Variants in STXBP5L observed in about 807,000 individuals in gnomAD.
STXBP5L encodes syntaxin-binding protein 5-like.
Under a neutral mutation model 144.5 loss-of-function variants are expected in STXBP5L, and 65 were observed. The observed-to-expected ratio is 0.45, with a 90% CI of 0.37 to 0.55. The LOEUF is 0.55. Among genes scored for constraint, STXBP5L ranks in the 20% least tolerant of loss-of-function variants. STXBP5L has a pLI of 0.00. For synonymous variants in STXBP5L, 505 were observed against 469.6 expected, an observed-to-expected ratio of 1.08 and a Z score of -0.97; for missense variants, 1,298 against 1,405.5, an observed-to-expected ratio of 0.92 and a Z score of 1.22.
At chr3:121,102,386 A>G (rs1451846388) in intron 5 of STXBP5L, among the ~76,000 whole-genome samples, 1 of 152,158 alleles carries the variant, frequency 6.6e-6, no homozygotes, top group Non-Finnish European at 1.5e-5. Context: ...GGAACAGAAT[A>G]GAGAACCCAG....
chr3:121,315,542 G>C (rs2108524519), intron 19 of STXBP5L, among the ~76,000 whole-genome samples: 1 of 151,190 alleles, frequency 6.6e-6, no homozygotes, highest in East Asian at 1.9e-4. Flanking sequence ...TAAATGACAA[G>C]TTAATGGGTG....
intron 20 of STXBP5L, among the ~76,000 whole-genome samples, chr3:121,375,039 G>A (rs962775131): frequency 1.3e-5 from 2 of 150,504 alleles, no homozygotes; most frequent in Admixed American, 6.6e-5. Flanking sequence ...GGTGGGAGGG[G>A]GAGTGAAAGA....
intron 19 of STXBP5L, among the ~76,000 whole-genome samples, chr3:121,313,060 C>G (rs909050114): frequency 6.6e-6 from 1 of 150,800 alleles, no homozygotes; most frequent in African/African-American, 2.4e-5. Flanking sequence ...CCCCTCACCT[C>G]CCGGATGGGG....
At chr3:121,276,589 C>T (rs1199920547) in intron 18 of STXBP5L, among the ~76,000 whole-genome samples, 1 of 151,772 alleles carries the variant, frequency 6.6e-6, no homozygotes, top group Non-Finnish European at 1.5e-5. Flanking sequence ...TTCTTTTCCA[C>T]TGCTTGAAAG....
chr3:121,169,484 G>A (rs1265329768), intron 9 of STXBP5L, among the ~76,000 whole-genome samples: 1 of 152,150 alleles, frequency 6.6e-6, no homozygotes, highest in Non-Finnish European at 1.5e-5. Context: ...AAAATAAAGG[G>A]ATGGAGGAAT....
chr3:121,305,638 G>T (rs1459518891), intron 19 of STXBP5L, among the ~76,000 whole-genome samples: 1 of 151,988 alleles, frequency 6.6e-6, no homozygotes, highest in East Asian at 1.9e-4. Context: ...AAGAATAGAA[G>T]AATATTTCCT....
intron 5 of STXBP5L, among the ~76,000 whole-genome samples, chr3:121,047,311 G>A (rs535656212): frequency 6.6e-6 from 1 of 152,076 alleles, no homozygotes; most frequent in South Asian, 2.1e-4. Context: ...GTACAGATAA[G>A]AAGATGGTAT....
At chr3:121,226,178 T>C (rs1164202513) in intron 11 of STXBP5L, among the ~76,000 whole-genome samples, 1 of 152,190 alleles carries the variant, frequency 6.6e-6, no homozygotes, top group African/African-American at 2.4e-5. Flanking sequence ...ATGCTTGCCA[T>C]CTGTATAAAT....
intron 20 of STXBP5L, among the ~76,000 whole-genome samples, chr3:121,355,465 A>T (rs1168817446): frequency 2.0e-5 from 3 of 151,910 alleles, no homozygotes; most frequent in Non-Finnish European, 4.4e-5. Context: ...CCTTTCTTCC[A>T]CTTGATCGAA....
At chr3:121,190,391 G>A (rs919193458) in intron 9 of STXBP5L, among the ~76,000 whole-genome samples, 1 of 152,208 alleles carries the variant, frequency 6.6e-6, no homozygotes, top group Non-Finnish European at 1.5e-5. Flanking sequence ...TAGATTAACA[G>A]CATCCCAAGG....
Position 121,279,915 on chromosome 3 carries a change from G to C in STXBP5L, c.2069G>C (p.Arg690Pro). Reference sequence around the variant, plus strand: ...TATAGATCAAGTGACTTATACCAGCGACAACCACGGTCTCCTCGAAAAAAC... The same window carrying C: ...TATAGATCAAGTGACTTATACCAGCCACAACCACGGTCTCCTCGAAAAAAC... Reference protein sequence around the residue: ...DLYRSSDLYQRQPRSPRKNKQ... With the variant: ...DLYRSSDLYQPQPRSPRKNKQ... Residue 690 changes from arginine (R) to proline (P), a missense_variant, in exon 19 of 27, where the codon CGA becomes CCA. By Grantham distance (103) the Arg-to-Pro change is moderately radical. Transcript: ENST00000471454. 5 of 1,612,258 alleles carry C rather than the reference G, an allele frequency of 3.1e-6. No individual in the cohort carries two copies. Among genetic ancestry groups the C allele is most frequent in the Non-Finnish European group, 4.2e-6 (5 of 1,178,760 alleles).
At position 121,419,739 on chromosome 3, in the gene STXBP5L, T is replaced by G. The variant is rs2047318516; in HGVS notation, c.*642T>G. ...TGATTAATGTTCTCTCTCCATGTTT[T>G]ACATCATTCACAGTTGTGTCAAAAT... On this transcript the variant is annotated 3_prime_UTR_variant, in exon 27 of 27. Transcript: ENST00000471454. 6.6e-6 allele frequency: 1 copy of G among 152,248 alleles called. No homozygotes were observed. Among genetic ancestry groups the G allele is most frequent in the Non-Finnish European group, 1.5e-5 (1 of 68,050 alleles). 9.4% of individuals were successfully genotyped at this position (152,248 alleles called of 1,614,324 possible).
intron 2 of STXBP5L, among the ~76,000 whole-genome samples, chr3:120,946,971 C>A (rs911883653): frequency 6.6e-6 from 1 of 151,650 alleles, no homozygotes; most frequent in African/African-American, 2.4e-5. Flanking sequence ...GTATGACTAG[C>A]CCTCCCACAT....
At chr3:121,339,303 A>G (rs760539624) in intron 20 of STXBP5L, among the ~76,000 whole-genome samples, 79 of 152,306 alleles carry the variant, frequency 5.2e-4, no homozygotes, top group Admixed American at 1.8e-3. Flanking sequence ...ATGTAAACAG[A>G]ATTAAAAACA....
chr3:121,207,940 C>G (rs530563768), intron 10 of STXBP5L, among the ~76,000 whole-genome samples: 4 of 152,242 alleles, frequency 2.6e-5, no homozygotes, highest in African/African-American at 9.6e-5. Context: ...CCTCAGGGAT[C>G]TAGTACTAGA....
At chr3:120,923,323 T>A (rs373987603) in intron 2 of STXBP5L, among the ~76,000 whole-genome samples, 4 of 152,094 alleles carry the variant, frequency 2.6e-5, no homozygotes, top group African/African-American at 9.6e-5. Flanking sequence ...GTGTTTTTTT[T>A]ATTCTCAACT....
At chr3:121,165,896 T>G (rs1320522498) in intron 9 of STXBP5L, among the ~76,000 whole-genome samples, 1 of 152,242 alleles carries the variant, frequency 6.6e-6, no homozygotes, top group Non-Finnish European at 1.5e-5. Flanking sequence ...TGGGTTTTTT[T>G]GATTTATAGA....
At chr3:121,210,126 C>T (rs564266211) in intron 10 of STXBP5L, among the ~76,000 whole-genome samples, 1 of 152,152 alleles carries the variant, frequency 6.6e-6, no homozygotes, top group South Asian at 2.1e-4. Flanking sequence ...GATCGCCATT[C>T]TAACTGGTGT....
intron 3 of STXBP5L, among the ~76,000 whole-genome samples, chr3:120,991,063 A>T (rs1350482833): frequency 1.3e-5 from 2 of 151,972 alleles, no homozygotes; most frequent in African/African-American, 4.8e-5. Flanking sequence ...ATGGGAGAAA[A>T]TTTTTGCAAT....
Sources: allele counts gnomAD v4.1 joint callset (sites outside exome capture counted in the v4.1 genomes callset), GRCh38; gene constraint gnomAD v4.1.1; transcripts MANE v1.5; gene names NCBI Gene and HGNC (gene_info 2026-07-23, HGNC 2026-07-21).